DOCK3: variants seen among roughly 807,000 people sequenced by gnomAD.
The protein encoded by DOCK3 is dedicator of cytokinesis 3.
In DOCK3, 60 loss-of-function variants were observed where a neutral mutation model predicts 265.6. The observed-to-expected ratio is 0.23, with a 90% confidence interval of 0.18 to 0.28. The LOEUF (loss-of-function observed/expected upper bound fraction) is 0.28. Among genes scored for constraint, DOCK3 ranks in the 10% least tolerant of loss-of-function variants. The probability of loss-of-function intolerance (pLI) is 1.00; values close to 1 mark genes in which losing one functional copy is unlikely to be tolerated. For synonymous variants in DOCK3, 881 were observed against 938.0 expected, an observed-to-expected ratio of 0.94 and a Z score of 1.11; for missense variants, 1,981 against 2,594.3, an observed-to-expected ratio of 0.76 and a Z score of 5.14.
chr3:51,119,937 T>C (rs1353193646), intron 9 of DOCK3, among the ~76,000 whole-genome samples: 1 of 152,082 alleles, frequency 6.6e-6, no homozygotes, highest in African/African-American at 2.4e-5. Context: ...GAGTTTGTTA[T>C]TACCCACCTT....
At chr3:50,794,316 A>C (rs1210279028) in intron 2 of DOCK3, among the ~76,000 whole-genome samples, 2 of 152,148 alleles carry the variant, frequency 1.3e-5, no homozygotes, top group Non-Finnish European at 2.9e-5. Context: ...GATCTATTGA[A>C]TACTGTCAGT....
chr3:51,130,440 G>A (rs2106928579), intron 9 of DOCK3, among the ~76,000 whole-genome samples: 1 of 152,346 alleles, frequency 6.6e-6, no homozygotes, highest in South Asian at 2.1e-4. Flanking sequence ...AGAGTCAGTG[G>A]CTGCATACCA....
At chr3:51,251,244 A>G (rs1332595926) in intron 22 of DOCK3, among the ~76,000 whole-genome samples, 1 of 152,212 alleles carries the variant, frequency 6.6e-6, no homozygotes, top group Admixed American at 6.5e-5. Context: ...TATATGTGCC[A>G]CATTTTCTTA....
chr3:51,222,436 C>T (rs759976753), intron 14 of DOCK3, among the ~76,000 whole-genome samples: 3 of 152,218 alleles, frequency 2.0e-5, no homozygotes, highest in Non-Finnish European at 2.9e-5. Context: ...TCTGCTTATG[C>T]TTTCTCCTAG....
chr3:51,059,442 G>T (rs895630425), intron 5 of DOCK3, among the ~76,000 whole-genome samples: 1 of 137,440 alleles, frequency 7.3e-6, no homozygotes, highest in African/African-American at 2.8e-5. Context: ...ATTAGACTTT[G>T]CTAGAAAAAA....
chr3:50,704,759 G>A (rs2036278949), intron 1 of DOCK3, among the ~76,000 whole-genome samples: 1 of 151,830 alleles, frequency 6.6e-6, no homozygotes, highest in Non-Finnish European at 1.5e-5. Context: ...CTGAGTAAGT[G>A]GGATTACAGG....
chr3:51,221,417 G>T (rs2090093352), intron 14 of DOCK3, among the ~76,000 whole-genome samples: 1 of 152,176 alleles, frequency 6.6e-6, no homozygotes, highest in South Asian at 2.1e-4. Context: ...CTTCTTGCCA[G>T]TGAAGAATGT....
At chr3:51,293,308 C>A (rs899971181) in intron 27 of DOCK3, among the ~76,000 whole-genome samples, 5 of 151,988 alleles carry the variant, frequency 3.3e-5, no homozygotes, top group Non-Finnish European at 7.4e-5. Flanking sequence ...GATAGTGAGC[C>A]CAGAAATAAA....
chr3:50,908,625 T>C (rs149354790), intron 4 of DOCK3, among the ~76,000 whole-genome samples: 2 of 152,176 alleles, frequency 1.3e-5, no homozygotes, highest in African/African-American at 4.8e-5. Context: ...CTGAGGTGTG[T>C]TTTACTTCTG....
chr3:51,204,995 A>G (rs1042443286), intron 12 of DOCK3, among the ~76,000 whole-genome samples: 1 of 151,256 alleles, frequency 6.6e-6, no homozygotes, highest in African/African-American at 2.4e-5. Context: ...GACGGGGAAC[A>G]TCACACTCTG....
intron 1 of DOCK3, among the ~76,000 whole-genome samples, chr3:50,731,440 A>G (rs2038202878): frequency 6.6e-6 from 1 of 152,028 alleles, no homozygotes; most frequent in Non-Finnish European, 1.5e-5. Context: ...CAAATGTTCC[A>G]CTCTGGTGGG....
At chr3:51,039,078 C>T (rs1195741491) in intron 5 of DOCK3, among the ~76,000 whole-genome samples, 2 of 152,006 alleles carry the variant, frequency 1.3e-5, no homozygotes, top group Non-Finnish European at 2.9e-5. Flanking sequence ...TCACTGCAAC[C>T]TCTGCCTCCT....
rs114009338 is a variant in DOCK3 at position 51,198,076 on chromosome 3, G to A, written c.1038-10698G>A. 7.5e-3 allele frequency among the ~76,000 whole-genome samples: 1,143 copies of A among 152,320 alleles called. 15 individuals carry two copies. The highest frequency in any genetic ancestry group is 0.026 in the African/African-American group (1,093 of 41,570). On this transcript the variant is annotated intron_variant, in intron 12 of 52. Coordinates refer to ENST00000266037, the MANE Select transcript of DOCK3 (RefSeq NM_004947.5). Reference sequence around the variant, plus strand: ...TCCCCAGTCCCATTAGCGACAGCTCGAGTTTCTGTCATGCCTCAGTCCTGG... The same window carrying A: ...TCCCCAGTCCCATTAGCGACAGCTCAAGTTTCTGTCATGCCTCAGTCCTGG...
chr3:50,972,976 T>C (rs2077287578), intron 5 of DOCK3, among the ~76,000 whole-genome samples: 1 of 150,566 alleles, frequency 6.6e-6, no homozygotes, highest in African/African-American at 2.4e-5. Context: ...GGGATTTCAC[T>C]GAATCTGTAG....
intron 2 of DOCK3, chr3:50,787,726 G>T: frequency 1.6e-6 from 2 of 1,247,312 alleles, no homozygotes; most frequent in South Asian, 1.2e-5. Flanking sequence ...TCTTCTTTCT[G>T]TAACGCTGAC....
intron 5 of DOCK3, among the ~76,000 whole-genome samples, chr3:50,938,467 A>G (rs1352067185): frequency 1.3e-5 from 2 of 152,174 alleles, no homozygotes; most frequent in Non-Finnish European, 2.9e-5. Context: ...CAGGATACAG[A>G]TTCTTTTCAG....
At chr3:50,689,014 G>A (rs2035033013) in intron 1 of DOCK3, among the ~76,000 whole-genome samples, 1 of 152,200 alleles carries the variant, frequency 6.6e-6, no homozygotes, top group Admixed American at 6.5e-5. Context: ...AGTAAATTAA[G>A]TGTCGGATTG....
intron 5 of DOCK3, among the ~76,000 whole-genome samples, chr3:51,040,515 G>A (rs2080440410): frequency 6.6e-6 from 1 of 152,084 alleles, no homozygotes; most frequent in Non-Finnish European, 1.5e-5. Flanking sequence ...AAGTATTGAT[G>A]GCTGCTGACT....
At chr3:51,316,762 G>T (rs1356937428) in intron 32 of DOCK3, among the ~76,000 whole-genome samples, 1 of 151,970 alleles carries the variant, frequency 6.6e-6, no homozygotes, top group East Asian at 1.9e-4. Context: ...ATGCTTCTTT[G>T]GTAAAATGAG....
Sources: allele counts gnomAD v4.1 joint callset (sites outside exome capture counted in the v4.1 genomes callset), GRCh38; gene constraint gnomAD v4.1.1; transcripts MANE v1.5; gene names NCBI Gene and HGNC (gene_info 2026-07-23, HGNC 2026-07-21).